The following DNAJC6 variants were observed in gnomAD, a reference collection of about 807,000 sequenced individuals.
DNAJC6 encodes auxilin.
Under a neutral mutation model 110.0 loss-of-function variants are expected in DNAJC6, and 34 were observed. The ratio of observed to expected loss-of-function variants is 0.31; its 90% confidence interval spans 0.24 to 0.41. The LOEUF (loss-of-function observed/expected upper bound fraction) is 0.41. Among genes scored for constraint, DNAJC6 ranks in the 10% least tolerant of loss-of-function variants. DNAJC6 has a pLI of 1.00. For missense variants in DNAJC6, 1,031 were observed against 1,207.8 expected, an observed-to-expected ratio of 0.85 and a Z score of 2.17; for synonymous variants, 406 against 437.2, an observed-to-expected ratio of 0.93 and a Z score of 0.89.
At chr1:65,283,002 C>T (rs1363473068) in intron 1 of DNAJC6, among the ~76,000 whole-genome samples, 1 of 152,158 alleles carries the variant, frequency 6.6e-6, no homozygotes, top group Admixed American at 6.5e-5. Flanking sequence ...ATAGATTTGT[C>T]CGAGAGATTC....
At chr1:65,355,385 T>C (rs1645533421) in intron 1 of DNAJC6, among the ~76,000 whole-genome samples, 1 of 152,080 alleles carries the variant, frequency 6.6e-6, no homozygotes, top group Non-Finnish European at 1.5e-5. Flanking sequence ...TGGATGCCTA[T>C]GCTTCCTATG....
chr1:65,305,729 A>G (rs1001526325), upstream of DNAJC6, among the ~76,000 whole-genome samples: 2 of 150,126 alleles, frequency 1.3e-5, no homozygotes, highest in African/African-American at 2.5e-5. Context: ...GGGCAAAACA[A>G]TCAGTTCACA....
At chr1:65,386,607 C>A (rs1645875245) in intron 7 of DNAJC6, among the ~76,000 whole-genome samples, 1 of 152,166 alleles carries the variant, frequency 6.6e-6, no homozygotes, top group Admixed American at 6.5e-5. Flanking sequence ...AGAGAGGGGG[C>A]CTGGCATTAG....
intron 1 of DNAJC6, among the ~76,000 whole-genome samples, chr1:65,346,048 T>G (rs1645434267): frequency 6.6e-6 from 1 of 152,016 alleles, no homozygotes; most frequent in African/African-American, 2.4e-5. Context: ...TTGCTGTGGG[T>G]TTTTTGGGTT....
chr1:65,328,393 A>G (rs1645259445), intron 1 of DNAJC6, among the ~76,000 whole-genome samples: 1 of 152,224 alleles, frequency 6.6e-6, no homozygotes, highest in Non-Finnish European at 1.5e-5. Flanking sequence ...CAGTACAGAG[A>G]GATAGCTGTA....
intron 1 of DNAJC6, among the ~76,000 whole-genome samples, chr1:65,317,124 C>A (rs1270959023): frequency 1.3e-5 from 2 of 152,136 alleles, no homozygotes; most frequent in Non-Finnish European, 2.9e-5. Context: ...AAGCTTTGTG[C>A]TAACTTAACT....
In DNAJC6 at chr1:65,309,559, A is replaced by C. The variant is rs1478401797; in HGVS notation, c.-187A>C. 56 of 1,138,492 alleles carry C rather than the reference A, an allele frequency of 4.9e-5. No homozygotes were observed. The African/African-American group carries it at 1.0e-3, about 21-fold the overall frequency. The allele number at this position is 1,138,492 out of a possible 1,614,324, so 70.5% of individuals were successfully genotyped here. Reference sequence around the variant, plus strand: ...CGGCGCCCCGAGCCGAGCTCAGCCCAGGGCGGCGGCTTCGCCTCGCCCGGC... The same window carrying C: ...CGGCGCCCCGAGCCGAGCTCAGCCCCGGGCGGCGGCTTCGCCTCGCCCGGC... On this transcript the variant is annotated 5_prime_UTR_variant, in exon 1 of 19. Coordinates refer to ENST00000371069, the MANE Select transcript of DNAJC6 (RefSeq NM_001256864.2).
intron 5 of DNAJC6, among the ~76,000 whole-genome samples, chr1:65,380,370 A>G (rs1424245521): frequency 2.0e-5 from 3 of 152,220 alleles, no homozygotes; most frequent in South Asian, 4.1e-4. Context: ...TTTTTGCTAT[A>G]GTATTACTTG....
At chr1:65,284,380 C>T (rs1341984508) in intron 1 of DNAJC6, among the ~76,000 whole-genome samples, 2 of 152,198 alleles carry the variant, frequency 1.3e-5, no homozygotes, top group African/African-American at 2.4e-5. Flanking sequence ...CTCCAGCTCC[C>T]CAGGGTAGGG....
chr1:65,337,308 T>G (rs1488439612), intron 1 of DNAJC6, among the ~76,000 whole-genome samples: 1 of 151,566 alleles, frequency 6.6e-6, no homozygotes, highest in Non-Finnish European at 1.5e-5. Flanking sequence ...CTTTTTTTTT[T>G]TGTTTGCTGG....
chr1:65,411,139 C>A, intron 17 of DNAJC6, 111 bp from the exon 18 acceptor site: 2 of 1,059,602 alleles, frequency 1.9e-6, no homozygotes, highest in Non-Finnish European at 2.7e-6. Context: ...ATACAGGTTG[C>A]CCTAAGTGTT....
intron 1 of DNAJC6, among the ~76,000 whole-genome samples, chr1:65,343,012 T>A (rs149897160): frequency 6.6e-6 from 1 of 152,312 alleles, no homozygotes; most frequent in Non-Finnish European, 1.5e-5. Context: ...ATTCTAAATT[T>A]CTTTATCTAC....
intron 1 of DNAJC6, among the ~76,000 whole-genome samples, chr1:65,281,958 G>A (rs1653867142): frequency 6.6e-6 from 1 of 152,000 alleles, no homozygotes; most frequent in East Asian, 1.9e-4. Context: ...ACAGAGTCTG[G>A]CCCAGTCACC....
intron 4 of DNAJC6, among the ~76,000 whole-genome samples, chr1:65,375,966 T>C (rs1645762702): frequency 6.6e-6 from 1 of 152,202 alleles, no homozygotes; most frequent in Non-Finnish European, 1.5e-5. Context: ...AGGATTAATA[T>C]TCATTCTTTT....
chr1:65,297,338 A>G (rs1242526864), intron 1 of DNAJC6, among the ~76,000 whole-genome samples: 2 of 152,184 alleles, frequency 1.3e-5, no homozygotes, highest in Non-Finnish European at 2.9e-5. Flanking sequence ...GTTTTAAGCA[A>G]CTGAGTCACA....
At chr1:65,356,954 A>G (rs183099847) in intron 1 of DNAJC6, among the ~76,000 whole-genome samples, 64 of 152,330 alleles carry the variant, frequency 4.2e-4, no homozygotes, top group African/African-American at 1.4e-3. Context: ...GGCTTTTTCC[A>G]TGGTATATCT....
At chr1:65,380,199 T>C (rs1645803897) in intron 5 of DNAJC6, among the ~76,000 whole-genome samples, 1 of 152,244 alleles carries the variant, frequency 6.6e-6, no homozygotes, top group South Asian at 2.1e-4. Context: ...TAGACTATTA[T>C]AATCTTGCAG....
At chr1:65,405,820 T>C (rs1412183183) in intron 15 of DNAJC6, 50 bp from the exon 16 acceptor site, 1 of 1,542,332 alleles carries the variant, frequency 6.5e-7, no homozygotes, top group South Asian at 1.3e-5. Flanking sequence ...ACACAAGAGT[T>C]AGAGGCCACT....
upstream of DNAJC6, among the ~76,000 whole-genome samples, chr1:65,304,612 TC>T (rs988160199): frequency 2.0e-5 from 3 of 152,184 alleles, no homozygotes; most frequent in Non-Finnish European, 4.4e-5. Context: ...GGAGAATGGA[TC>T]AAGGCCACCC....
Sources: allele counts gnomAD v4.1 joint callset (sites outside exome capture counted in the v4.1 genomes callset), GRCh38; gene constraint gnomAD v4.1.1; transcripts MANE v1.5; gene names NCBI Gene and HGNC (gene_info 2026-07-23, HGNC 2026-07-21).